The following UPF2 variants were observed in gnomAD, a reference collection of about 807,000 sequenced individuals.
The protein encoded by UPF2 is regulator of nonsense transcripts 2.
A neutral mutation model predicts 141.4 loss-of-function variants in UPF2; 17 were observed. The ratio of observed to expected loss-of-function variants is 0.12; its 90% CI spans 0.08 to 0.18. The LOEUF (loss-of-function observed/expected upper bound fraction) is 0.18, where lower values mean the gene tolerates loss of function less well. Ranked by LOEUF, UPF2 falls within the 10% of genes least tolerant of loss-of-function variation. The probability of loss-of-function intolerance (pLI) is 1.00; values close to 1 mark genes in which losing one functional copy is unlikely to be tolerated. For missense variants in UPF2, 1,152 were observed against 1,515.9 expected (o/e 0.76, Z 3.99); for synonymous variants, 540 against 498.0 (o/e 1.08, Z -1.12).
chr10:11,970,851 C>T (rs959700659), intron 9 of UPF2, among the ~76,000 whole-genome samples: 2 of 151,678 alleles, frequency 1.3e-5, no homozygotes, highest in Non-Finnish European at 2.9e-5. Flanking sequence ...AAACTATATA[C>T]TAAAACTAAG....
At position 11,921,743 on chromosome 10, in the gene UPF2, C is replaced by T. The variant is rs758678907; in HGVS notation, c.3810-436G>A. 1.3e-5 allele frequency among the ~76,000 whole-genome samples: 2 copies of T among 152,144 alleles called. No homozygotes were observed. Among genetic ancestry groups the T allele is most frequent in the Non-Finnish European group, 2.9e-5 (2 of 68,036 alleles). ...TAGTGCTTTTTTGAGAGCATTCATG[C>T]TCTCTACTGAGCTACAACTTAACCA... On this transcript the variant is annotated intron_variant, in intron 21 of 21. Coordinates refer to ENST00000357604, the MANE Select transcript of UPF2 (RefSeq NM_015542.4). The surrounding 1 kb of genome is among the most constrained non-coding windows in gnomAD (Gnocchi z 5.9).
chr10:11,976,300 C>A (rs1052621668), intron 9 of UPF2, among the ~76,000 whole-genome samples: 3 of 152,112 alleles, frequency 2.0e-5, no homozygotes, highest in Non-Finnish European at 2.9e-5. Context: ...CGTTAAAAAT[C>A]TACTATCATA....
chr10:12,011,081 A>C (rs1834118982), intron 4 of UPF2, among the ~76,000 whole-genome samples: 1 of 152,212 alleles, frequency 6.6e-6, no homozygotes, highest in South Asian at 2.1e-4. Context: ...ATCTGGGCTC[A>C]TGCAATCTTC....
At chr10:11,941,182 C>T (rs954815202) in intron 18 of UPF2, among the ~76,000 whole-genome samples, 3 of 152,196 alleles carry the variant, frequency 2.0e-5, no homozygotes, top group East Asian at 1.9e-4. Context: ...GTTAAGCACA[C>T]AATAGGTACC....
At chr10:11,929,594 T>C (rs77040651) in intron 21 of UPF2, among the ~76,000 whole-genome samples, 4,374 of 152,182 alleles carry the variant, frequency 0.029, 74 homozygotes, top group Non-Finnish European at 0.033. Context: ...TGAGTTGCGA[T>C]TGTGCCACTG....
intron 4 of UPF2, among the ~76,000 whole-genome samples, chr10:12,009,685 G>A (rs1396716570): frequency 6.6e-6 from 1 of 152,210 alleles, no homozygotes; most frequent in East Asian, 1.9e-4. Context: ...TAAGAGAGAA[G>A]CCAGGCAGTC....
Position 12,014,207 on chromosome 10 carries a change from G to C in UPF2, c.1146-23C>G. ...CGCCTATAAACAAATGAAATCATCT[G>C]ACAGTCTTATCAAAATAGATGTGAT... On this transcript the variant is annotated intron_variant, in intron 3 of 21. Transcript: ENST00000357604. The surrounding 1 kb of genome is among the most constrained non-coding windows in gnomAD (Gnocchi z 5.0). The C allele has an allele frequency of 7.3e-7, 1 of 1,373,972 alleles. No homozygotes were observed. The allele number at this position is 1,373,972 out of a possible 1,614,324, so 85.1% of individuals were successfully genotyped here.
At chr10:12,007,174 CAAA>C (rs1239798053) in intron 4 of UPF2, among the ~76,000 whole-genome samples, 1 of 152,098 alleles carries the variant, frequency 6.6e-6, no homozygotes, top group Non-Finnish European at 1.5e-5. Flanking sequence ...AGAAAGCTCT[CAAA>C]AATAATAATT....
intron 3 of UPF2, among the ~76,000 whole-genome samples, chr10:12,015,780 C>T (rs1265483298): frequency 5.3e-5 from 8 of 152,116 alleles, no homozygotes; most frequent in Non-Finnish European, 1.0e-4. Context: ...GTTCCCATTA[C>T]AAGTGCATCA....
intron 7 of UPF2, 85 bp from the exon 8 acceptor site, chr10:11,997,842 T>G: frequency 7.5e-7 from 1 of 1,328,856 alleles, no homozygotes. Flanking sequence ...ATATTTTTAT[T>G]TGTTCTTAAA....
At chr10:11,946,942 C>T (rs1833008105) in intron 16 of UPF2, among the ~76,000 whole-genome samples, 1 of 152,262 alleles carries the variant, frequency 6.6e-6, no homozygotes, top group African/African-American at 2.4e-5. Flanking sequence ...CGGCTCACGC[C>T]TGTACTCCCA....
At chr10:11,975,602 G>GGGTT (rs1305321902) in intron 9 of UPF2, among the ~76,000 whole-genome samples, 1 of 151,982 alleles carries the variant, frequency 6.6e-6, no homozygotes. Flanking sequence ...TCCACCTCCC[G>GGGTT]GGTTCAAGTG....
chr10:12,007,390 C>A, intron 4 of UPF2, among the ~76,000 whole-genome samples: 1 of 151,712 alleles, frequency 6.6e-6, no homozygotes, highest in African/African-American at 2.4e-5. Context: ...TTTTGTGTAT[C>A]TAAAAAATAA....
chr10:12,040,003 C>A (rs916778419), intron 1 of UPF2, among the ~76,000 whole-genome samples: 6 of 152,156 alleles, frequency 3.9e-5, no homozygotes, highest in Non-Finnish European at 8.8e-5. Flanking sequence ...CTGACAAATT[C>A]ACAAAGATCA....
chr10:11,974,560 C>T (rs1299326750), intron 9 of UPF2, among the ~76,000 whole-genome samples: 3 of 152,100 alleles, frequency 2.0e-5, no homozygotes, highest in Non-Finnish European at 4.4e-5. Context: ...CCATTGATAC[C>T]TAATTTATTG....
rs945082775 is a variant in UPF2, at chr10:12,016,644, A to C, written c.1146-2460T>G. Reference sequence around the variant, plus strand: ...GGGAGGCAGAGGTTGCAGTGAGCCAAGATTGCACCACTGTACTCCAGCCTG... The same window carrying C: ...GGGAGGCAGAGGTTGCAGTGAGCCACGATTGCACCACTGTACTCCAGCCTG... On this transcript the variant is annotated intron_variant, in intron 3 of 21. Transcript: ENST00000357604. This position sits in a 1 kb window ranked among gnomAD's most constrained non-coding sequence, Gnocchi z 4.1. Among the ~76,000 whole-genome samples the C allele has an allele frequency of 2.0e-5, 3 of 152,020 alleles. No homozygotes were observed. The highest frequency in any genetic ancestry group is 1.5e-5 in the Non-Finnish European group (1 of 67,968).
Position 12,028,816 on chromosome 10 carries a change from C to T in UPF2, c.1074G>A (p.Glu358=), listed in dbSNP as rs1404203862. The T allele has an allele frequency of 1.9e-6, 3 of 1,614,074 alleles. No individual in the cohort carries two copies. The South Asian group carries it at 3.3e-5, about 18-fold the overall frequency. ...KQQPFQNLLK[E]YFTSLTKHLK... ...GGTGTTTGGTCAAAGACGTAAAGTACTCTTTTAAAAGATTCTGGAAGGGCT... is the reference window on the plus strand; with the variant it reads ...GGTGTTTGGTCAAAGACGTAAAGTATTCTTTTAAAAGATTCTGGAAGGGCT... Residue 358 remains glutamate, a synonymous_variant, in exon 3 of 22, where the codon GAG becomes GAA. Coordinates refer to ENST00000357604, the MANE Select transcript of UPF2 (RefSeq NM_015542.4).
intron 11 of UPF2, among the ~76,000 whole-genome samples, chr10:11,962,633 T>C (rs996932754): frequency 6.6e-6 from 1 of 152,196 alleles, no homozygotes; most frequent in Non-Finnish European, 1.5e-5. Flanking sequence ...AGTTATCGCC[T>C]CCATACTAAT....
At position 12,015,031 on chromosome 10, in the gene UPF2, CTTA is replaced by C. The variant is rs1412886734; in HGVS notation, c.1146-850_1146-848del. 2.0e-5 allele frequency among the ~76,000 whole-genome samples: 3 copies of C among 152,244 alleles called. No homozygotes were observed. The East Asian group carries it at 5.8e-4, about 29-fold the overall frequency. Reference sequence around the variant, plus strand: ...ACACCAAAATGTATAGAGTAAAAGTCTTATTATATTCGTATAAATCACTGAGAA... The same window carrying C: ...ACACCAAAATGTATAGAGTAAAAGTCTTATATTCGTATAAATCACTGAGAA... On this transcript the variant is annotated intron_variant, in intron 3 of 21. Coordinates refer to ENST00000357604, the MANE Select transcript of UPF2 (RefSeq NM_015542.4).
Sources: allele counts gnomAD v4.1 joint callset (sites outside exome capture counted in the v4.1 genomes callset), GRCh38; gene constraint gnomAD v4.1.1; non-coding constraint Gnocchi (gnomAD v3.1); transcripts MANE v1.5; gene names NCBI Gene and HGNC (gene_info 2026-07-23, HGNC 2026-07-21).